SPATS2L: variants seen among roughly 807,000 people sequenced by gnomAD.
SPATS2L encodes SPATS2-like protein.
Under a neutral mutation model 59.6 loss-of-function variants are expected in SPATS2L, and 30 were observed. That is an observed-to-expected ratio of 0.50 (90% CI 0.38 to 0.68). SPATS2L has a LOEUF of 0.68. SPATS2L is among the 30% of genes least tolerant of loss of function. The probability of loss-of-function intolerance (pLI) is 0.00; values close to 1 mark genes in which losing one functional copy is unlikely to be tolerated. For missense variants in SPATS2L, 615 were observed against 700.0 expected (o/e 0.88, Z 1.37); for synonymous variants, 252 against 263.5 (o/e 0.96, Z 0.42).
At chr2:200,357,506 TAG>T (rs1394000109) in intron 2 of SPATS2L, among the ~76,000 whole-genome samples, 1 of 152,168 alleles carries the variant, frequency 6.6e-6, no homozygotes, top group Non-Finnish European at 1.5e-5. Context: ...TTGAAAAATG[TAG>T]AGAGGGGGAA....
At chr2:200,317,582 C>G (rs572301529) in intron 1 of SPATS2L, among the ~76,000 whole-genome samples, 1 of 152,270 alleles carries the variant, frequency 6.6e-6, no homozygotes, top group African/African-American at 2.4e-5. Flanking sequence ...CCAAGGGTGA[C>G]AAAGGACCAG....
At chr2:200,335,401 AAAG>A (rs2080110685) in intron 2 of SPATS2L, among the ~76,000 whole-genome samples, 1 of 151,858 alleles carries the variant, frequency 6.6e-6, no homozygotes, top group Admixed American at 6.6e-5. Context: ...AAGAAAAAAA[AAAG>A]AAGATAGTGC....
At chr2:200,352,765 C>G (rs926902984) in intron 2 of SPATS2L, among the ~76,000 whole-genome samples, 6 of 152,084 alleles carry the variant, frequency 3.9e-5, no homozygotes, top group Admixed American at 3.9e-4. Context: ...GGCTGGTGAA[C>G]AGCGAAGGTG....
rs559268245 is a variant in SPATS2L, at chr2:200,479,436, G to A, written c.*1405G>A. On this transcript the variant is annotated 3_prime_UTR_variant, in exon 13 of 13. Transcript: ENST00000409140. ...CCTGTCTCTTAAACCAATCATGAAA[G>A]GGGGGAGAGAAGTGAATGGGATGAA... 1.5e-5 allele frequency: 6 copies of A among 397,630 alleles called. No individual in the cohort carries two copies. The East Asian group carries it at 1.8e-4, about 12-fold the overall frequency. 24.6% of individuals were successfully genotyped at this position (397,630 alleles called of 1,614,324 possible).
chr2:200,369,998 A>G (rs2081379074), intron 2 of SPATS2L, among the ~76,000 whole-genome samples: 1 of 152,234 alleles, frequency 6.6e-6, no homozygotes. Flanking sequence ...GTAAGAAGGA[A>G]CTGAGGTCCC....
chr2:200,430,769 G>A (rs1038439924), intron 6 of SPATS2L, among the ~76,000 whole-genome samples: 1 of 145,256 alleles, frequency 6.9e-6, no homozygotes, highest in Non-Finnish European at 1.5e-5. Flanking sequence ...CCAGGCTAGA[G>A]TGCAGTGACA....
intron 9 of SPATS2L, among the ~76,000 whole-genome samples, chr2:200,463,755 A>G (rs1294757116): frequency 6.6e-6 from 1 of 152,248 alleles, no homozygotes; most frequent in Non-Finnish European, 1.5e-5. Context: ...TAACACAAAC[A>G]AATTATGAAG....
chr2:200,465,986 C>G (rs1247644453), intron 9 of SPATS2L, among the ~76,000 whole-genome samples: 1 of 152,152 alleles, frequency 6.6e-6, no homozygotes, highest in Non-Finnish European at 1.5e-5. Context: ...GAGCCGAGAT[C>G]ATGCCACGGC....
At chr2:200,378,367 A>G in intron 2 of SPATS2L, 1 of 1,002,530 alleles carries the variant, frequency 1.0e-6, no homozygotes, top group Non-Finnish European at 1.2e-6. Flanking sequence ...AGGAAACCTT[A>G]AAAAGTGAGT....
At chr2:200,307,013 G>C (rs1178211231) in intron 1 of SPATS2L, 91 bp downstream of exon 1, 2 of 966,814 alleles carry the variant, frequency 2.1e-6, no homozygotes, top group Non-Finnish European at 2.5e-6. Context: ...ACGGAGACTC[G>C]GCTGGGCCGA....
At chr2:200,415,267 C>T (rs1280068608) in intron 4 of SPATS2L, among the ~76,000 whole-genome samples, 1 of 152,142 alleles carries the variant, frequency 6.6e-6, no homozygotes, top group Non-Finnish European at 1.5e-5. Context: ...GAATTATTAG[C>T]CTGTCTAAAC....
intron 8 of SPATS2L, among the ~76,000 whole-genome samples, chr2:200,454,698 GAGA>G (rs2085713128): frequency 6.6e-6 from 1 of 152,164 alleles, no homozygotes. Flanking sequence ...TGGCTAAAAT[GAGA>G]AGATGTGTTT....
At chr2:200,421,061 C>G (rs2083289997) in intron 6 of SPATS2L, among the ~76,000 whole-genome samples, 2 of 152,154 alleles carry the variant, frequency 1.3e-5, no homozygotes, top group Non-Finnish European at 2.9e-5. Flanking sequence ...GCGTTTTAAA[C>G]TCCCGTTATA....
At chr2:200,392,074 C>A (rs866218166) in intron 3 of SPATS2L, among the ~76,000 whole-genome samples, 1 of 151,888 alleles carries the variant, frequency 6.6e-6, no homozygotes, top group African/African-American at 2.4e-5. Flanking sequence ...ATATATATAC[C>A]ATTCCTAAAA....
At chr2:200,473,109 G>A in intron 12 of SPATS2L, 57 bp downstream of exon 12, 2 of 1,469,722 alleles carry the variant, frequency 1.4e-6, no homozygotes, top group Non-Finnish European at 1.8e-6. Context: ...CCTGTTTCCA[G>A]AGGAAGAAAA....
chr2:200,393,418 A>G (rs1222516521), intron 3 of SPATS2L: 1 of 431,854 alleles, frequency 2.3e-6, no homozygotes, highest in Non-Finnish European at 4.7e-6. Context: ...AGCCACAGTC[A>G]TCCCACTCCT....
intron 2 of SPATS2L, among the ~76,000 whole-genome samples, chr2:200,382,096 C>A (rs1164522887): frequency 6.6e-6 from 1 of 152,100 alleles, no homozygotes; most frequent in Admixed American, 6.5e-5. Flanking sequence ...CACTCTGTCA[C>A]CCAGGCTGGA....
chr2:200,434,528 G>A (rs765026442), intron 6 of SPATS2L, among the ~76,000 whole-genome samples: 9 of 151,948 alleles, frequency 5.9e-5, no homozygotes, highest in South Asian at 4.1e-4. Flanking sequence ...TAGCCAGGTC[G>A]CTAGATATAA....
upstream of SPATS2L, chr2:200,306,107 G>C (rs2079004360): frequency 3.0e-6 from 3 of 986,332 alleles, no homozygotes; most frequent in Non-Finnish European, 3.6e-6. Flanking sequence ...GGGTTGGTCG[G>C]GTTTCCAAGG....
Sources: gnomAD v4.1 joint callset for allele counts (sites outside exome capture counted in the v4.1 genomes callset) on GRCh38, gnomAD v4.1.1 for gene constraint, MANE v1.5 for transcripts, NCBI Gene and HGNC (gene_info 2026-07-23, HGNC 2026-07-21) for gene names.